The following BLMH variants were observed in gnomAD, a reference collection of about 807,000 sequenced individuals.
BLMH encodes the protein BLM hydrolase.
BLMH carries 32 observed loss-of-function variants against 61.6 expected under a neutral mutation model. The ratio of observed to expected loss-of-function variants is 0.52; its 90% confidence interval spans 0.39 to 0.70. The LOEUF is 0.70. Among genes scored for constraint, BLMH ranks in the 30% least tolerant of loss-of-function variants. The probability of loss-of-function intolerance (pLI) is 0.00; values close to 1 mark genes in which losing one functional copy is unlikely to be tolerated. For missense variants in BLMH, 460 were observed against 555.5 expected, an observed-to-expected ratio of 0.83 and a Z score of 1.73; for synonymous variants, 183 against 193.8, an observed-to-expected ratio of 0.94 and a Z score of 0.46.
At position 30,268,375 on chromosome 17, in the gene BLMH, A is replaced by T. The variant is rs1436545127; in HGVS notation, c.1147-1421T>A. 3.3e-5 allele frequency among the ~76,000 whole-genome samples: 5 copies of T among 152,170 alleles called. No homozygotes were observed. In the East Asian group the frequency reaches 9.6e-4, roughly 29 times the overall value. On this transcript the variant is annotated intron_variant, in intron 10 of 11. Transcript: ENST00000261714. ...ATGATATCAGCAACAAAAGAAAGAA[A>T]ATTGTGGAAATATAACCACTAGTAT...
At chr17:30,268,462 T>C (rs1166429577) in intron 10 of BLMH, among the ~76,000 whole-genome samples, 1 of 152,188 alleles carries the variant, frequency 6.6e-6, no homozygotes, top group Admixed American at 6.6e-5. Flanking sequence ...TCAAAAACTC[T>C]AGTGGAATGA....
intron 4 of BLMH, 127 bp downstream of exon 4, chr17:30,287,679 A>G: frequency 3.7e-6 from 4 of 1,086,728 alleles, no homozygotes; most frequent in Non-Finnish European, 5.1e-6. Context: ...GTCCTTAGAA[A>G]TAACTATATA....
chr17:30,262,803 AAAAAC>A (rs1441537179), intron 11 of BLMH, among the ~76,000 whole-genome samples: 1 of 152,178 alleles, frequency 6.6e-6, no homozygotes, highest in Non-Finnish European at 1.5e-5. Context: ...TCAAAAAAGC[AAAAAC>A]AAAACAAAAC....
At chr17:30,269,299 T>C (rs1010745949) in intron 10 of BLMH, among the ~76,000 whole-genome samples, 3 of 150,104 alleles carry the variant, frequency 2.0e-5, no homozygotes, top group Admixed American at 6.7e-5. Flanking sequence ...TGCCTCAGCC[T>C]CCAGAGTAGC....
At chr17:30,265,386 T>C (rs938011265) in intron 11 of BLMH, among the ~76,000 whole-genome samples, 2 of 152,214 alleles carry the variant, frequency 1.3e-5, no homozygotes, top group African/African-American at 4.8e-5. Flanking sequence ...ATAGGAGCTA[T>C]GGAAGTCCCA....
At chr17:30,280,885 A>G (rs1908567807) in intron 6 of BLMH, among the ~76,000 whole-genome samples, 1 of 152,202 alleles carries the variant, frequency 6.6e-6, no homozygotes, top group Non-Finnish European at 1.5e-5. Context: ...CAGTCACAGA[A>G]AACAGCTCAA....
chr17:30,291,402 A>C lies in BLMH; in HGVS notation c.120T>G (p.Cys40Trp), dbSNP rs759117535. ...CGCGCTGCACCGTGGCCCGCTTCAG[A>C]CAGATGTCCAGCAGGTCGTGGGTGG... ...VGTTHDLLDI[C>W]LKRATVQRAQ... The change falls in exon 2 of 12, where the codon TGT becomes TGG. Residue 40 changes from cysteine (C) to tryptophan (W), a missense_variant. Physicochemically the swap from Cys to Trp is radical, Grantham distance 215. Coordinates refer to ENST00000261714, the MANE Select transcript of BLMH (RefSeq NM_000386.4). 1.2e-6 allele frequency: 2 copies of C among 1,614,150 alleles called. No homozygotes were observed.
In BLMH at chr17:30,274,155, T is replaced by A; in HGVS notation, c.688A>T (p.Thr230Ser). 6.2e-7 allele frequency: 1 copy of A among 1,614,150 alleles called. No individual in the cohort carries two copies. The highest frequency in any genetic ancestry group is 2.2e-5 in the East Asian group (1 of 44,884). ...VCICLGNPPE[T>S]FTWEYRDKDK... ...TTGTCTCGATATTCCCAGGTGAATG[T>A]CTCTGGTGGATTACCCAAACAGATG... Residue 230 changes from threonine (T) to serine (S), a missense_variant, in exon 7 of 12, where the codon ACA becomes TCA. Physicochemically the swap from Thr to Ser is moderately conservative, Grantham distance 58. Around this residue, in one of 5 missense-constraint regions of BLMH, gnomAD observed 310 missense variants for 371.1 expected, o/e 0.84. Transcript: ENST00000261714.
intron 10 of BLMH, among the ~76,000 whole-genome samples, chr17:30,268,881 AC>A (rs1243389018): frequency 6.0e-4 from 87 of 144,484 alleles, no homozygotes; most frequent in African/African-American, 2.1e-3. Flanking sequence ...TACTAAAAAT[AC>A]AAAAAAAAAA....
intron 11 of BLMH, among the ~76,000 whole-genome samples, chr17:30,262,469 T>C (rs1907983281): frequency 6.6e-6 from 1 of 152,196 alleles, no homozygotes; most frequent in African/African-American, 2.4e-5. Context: ...ACTTTATATA[T>C]GTTTAAAATT....
chr17:30,291,119 C>A, intron 2 of BLMH, 192 bp downstream of exon 2: 1 of 649,540 alleles, frequency 1.5e-6, no homozygotes, highest in Non-Finnish European at 2.6e-6. Flanking sequence ...ACCGCATGTA[C>A]TAACAAGCCA....
intron 11 of BLMH, among the ~76,000 whole-genome samples, chr17:30,252,418 C>T (rs1394662909): frequency 6.6e-6 from 1 of 150,814 alleles, no homozygotes; most frequent in Non-Finnish European, 1.5e-5. Flanking sequence ...CTGTGGAGGC[C>T]AGGTGCAGTG....
chr17:30,257,936 C>T (rs1411498593), intron 11 of BLMH, among the ~76,000 whole-genome samples: 1 of 152,188 alleles, frequency 6.6e-6, no homozygotes, highest in Non-Finnish European at 1.5e-5. Flanking sequence ...TGCTCACAAA[C>T]CCCATATCAA....
At chr17:30,279,143 T>C (rs982285590) in intron 6 of BLMH, among the ~76,000 whole-genome samples, 3 of 152,214 alleles carry the variant, frequency 2.0e-5, no homozygotes, top group Admixed American at 1.3e-4. Flanking sequence ...AAACGAATAA[T>C]GATGTGATCC....
chr17:30,271,216 G>T, intron 10 of BLMH, 55 bp downstream of exon 10: 3 of 1,260,372 alleles, frequency 2.4e-6, no homozygotes, highest in Admixed American at 3.4e-5. Flanking sequence ...ACAGTCTACA[G>T]GAGAATGTAG....
At chr17:30,258,329 TA>T (rs1489354624) in intron 11 of BLMH, among the ~76,000 whole-genome samples, 6 of 152,042 alleles carry the variant, frequency 3.9e-5, no homozygotes, top group African/African-American at 1.4e-4. Flanking sequence ...AGAGAAAACA[TA>T]GAAGTCTGGC....
chr17:30,267,553 A>T (rs1908145822), intron 10 of BLMH, among the ~76,000 whole-genome samples: 1 of 152,220 alleles, frequency 6.6e-6, no homozygotes, highest in African/African-American at 2.4e-5. Flanking sequence ...TGAATGGCAA[A>T]GCAAAAGTAA....
intron 5 of BLMH, among the ~76,000 whole-genome samples, chr17:30,286,567 C>T (rs910555997): frequency 6.6e-6 from 1 of 152,124 alleles, no homozygotes; most frequent in Admixed American, 6.5e-5. Context: ...ACTTTATTTC[C>T]TAACTATCCC....
chr17:30,260,311 A>G (rs1194976233), intron 11 of BLMH, among the ~76,000 whole-genome samples: 2 of 152,222 alleles, frequency 1.3e-5, no homozygotes, highest in Non-Finnish European at 1.5e-5. Context: ...TGAAAATTAC[A>G]GATCTTATCT....
Sources: gnomAD v4.1 joint callset for allele counts (sites outside exome capture counted in the v4.1 genomes callset) on GRCh38, gnomAD v4.1.1 for gene constraint, gnomAD v4.1.1 regional missense constraint, MANE v1.5 for transcripts, NCBI Gene and HGNC (gene_info 2026-07-23, HGNC 2026-07-21) for gene names.